Variants in UPRT observed in about 807,000 individuals in gnomAD.
UPRT encodes uracil phosphoribosyltransferase homolog.
UPRT carries 5 observed loss-of-function variants against 22.6 expected under a neutral mutation model. The observed-to-expected ratio is 0.22, with a 90% confidence interval of 0.12 to 0.47. The LOEUF (loss-of-function observed/expected upper bound fraction) is 0.47. Ranked by LOEUF, UPRT falls within the 20% of genes least tolerant of loss-of-function variation. The pLI is 0.99. For synonymous variants in UPRT, 77 were observed against 87.7 expected (o/e 0.88, Z 0.68); for missense variants, 181 against 239.9 (o/e 0.75, Z 1.62).
At position 75,274,340 on chromosome X, in the gene UPRT, T is replaced by G. The variant is rs774066836; in HGVS notation, c.86T>G (p.Leu29Arg). 1 of 1,211,787 alleles carries G rather than the reference T, an allele frequency of 8.3e-7. No individual in the cohort carries two copies. The highest frequency in any genetic ancestry group is 1.8e-5 in the South Asian group (1 of 56,918). ...NSASTPSPEQ[L>R]RPGDLILDHA... is the part of the protein sequence containing the mutation. ...GCCTCAACCCCAAGTCCCGAGCAGC[T>G]GCGACCTGGCGATCTGATCCTGGAC... Residue 29 changes from leucine (L) to arginine (R), a missense_variant, in exon 1 of 7, where the codon CTG (leucine) becomes CGG (arginine). Leu to Arg is a moderately radical substitution (Grantham distance 102). Around this residue, in one of 2 missense-constraint regions of UPRT, gnomAD observed 111 missense variants for 102.8 expected, o/e 1.08. Transcript: ENST00000373383.
At chrX:75,219,974 C>T (rs1353329897) in intron 4 of UPRT, among the ~76,000 whole-genome samples, 1 of 111,366 alleles carries the variant, frequency 9.0e-6, no homozygotes, top group East Asian at 2.8e-4. Flanking sequence ...TGTTGATTTT[C>T]AGCCTGGATG....
At chrX:75,224,812 C>T (rs903360717) in intron 4 of UPRT, among the ~76,000 whole-genome samples, 2 of 111,767 alleles carry the variant, frequency 1.8e-5, no homozygotes, top group East Asian at 5.6e-4. Context: ...TGAATATCCT[C>T]TTGATTCCCT....
At chrX:75,176,621 T>C (rs1446801831) in intron 4 of UPRT, among the ~76,000 whole-genome samples, 1 of 110,903 alleles carries the variant, frequency 9.0e-6, no homozygotes, top group African/African-American at 3.3e-5. Context: ...TTGTGGACCT[T>C]TGGAGATTTC....
chrX:75,248,135 G>T (rs1380563181), intron 4 of UPRT, among the ~76,000 whole-genome samples: 1 of 111,580 alleles, frequency 9.0e-6, no homozygotes, highest in Non-Finnish European at 1.9e-5. Context: ...AGAAAAACTG[G>T]AAACTCTAAA....
intron 4 of UPRT, among the ~76,000 whole-genome samples, chrX:75,244,033 T>G (rs1263189878): frequency 9.0e-6 from 1 of 111,620 alleles, no homozygotes; most frequent in Non-Finnish European, 1.9e-5. Context: ...ATTACAATTC[T>G]AGGTTGCAAT....
At chrX:75,188,672 G>A (rs1476909867) in intron 4 of UPRT, among the ~76,000 whole-genome samples, 3 of 112,584 alleles carry the variant, frequency 2.7e-5, no homozygotes, top group South Asian at 7.4e-4. Flanking sequence ...AGCAATCAGC[G>A]AGACTTCGTG....
At chrX:75,256,996 G>A (rs922629534) in intron 4 of UPRT, among the ~76,000 whole-genome samples, 15 of 111,565 alleles carry the variant, frequency 1.3e-4, no homozygotes, top group Admixed American at 1.2e-3. Flanking sequence ...AGAGAAAGAG[G>A]GAACCCTCCC....
chrX:75,156,446 G>A lies in UPRT; in HGVS notation c.-841G>A, dbSNP rs72559421. On this transcript the variant is annotated 5_prime_UTR_variant, in exon 1 of 14. Coordinates refer to the UPRT transcript ENST00000652605. ...AGCCTCTTTTATTTGTTTTTCCTTAGGGCCGAGCTTTGATTGTTTTCCTTA... is the reference window on the plus strand; with the variant it reads ...AGCCTCTTTTATTTGTTTTTCCTTAAGGCCGAGCTTTGATTGTTTTCCTTA... The A allele has an allele frequency of 2.4e-5, 13 of 539,079 alleles. No homozygotes were observed. The African/African-American group carries it at 3.0e-4, about 13-fold the overall frequency. 44.4% of individuals were successfully genotyped at this position (539,079 alleles called of 1,213,427 possible).
At chrX:75,242,592 C>T (rs181167871) in intron 4 of UPRT, among the ~76,000 whole-genome samples, 123 of 87,760 alleles carry the variant, frequency 1.4e-3, no homozygotes, top group African/African-American at 4.6e-3. Flanking sequence ...CCTGCACTTA[C>T]TGCTTGTATG....
intron 1 of UPRT, among the ~76,000 whole-genome samples, chrX:75,287,102 A>G (rs2082685263): frequency 9.0e-6 from 1 of 111,105 alleles, no homozygotes; most frequent in Non-Finnish European, 1.9e-5. Context: ...TTTAGGATAT[A>G]TATATGTCAC....
intron 4 of UPRT, among the ~76,000 whole-genome samples, chrX:75,188,416 C>T (rs1025700834): frequency 8.9e-6 from 1 of 112,101 alleles, no homozygotes; most frequent in African/African-American, 3.2e-5. Flanking sequence ...AGAACCACTG[C>T]TCTCTTCAAA....
chrX:75,226,651 G>C (rs1173564048), intron 4 of UPRT, among the ~76,000 whole-genome samples: 1 of 110,702 alleles, frequency 9.0e-6, no homozygotes, highest in Non-Finnish European at 1.9e-5. Context: ...TGTTCTTATG[G>C]CATCTTTTCA....
chrX:75,193,292 C>T (rs1602448302), intron 4 of UPRT, among the ~76,000 whole-genome samples: 1 of 112,369 alleles, frequency 8.9e-6, no homozygotes, highest in African/African-American at 3.2e-5. Flanking sequence ...ATATAGACCA[C>T]CAATCTCTTC....
intron 4 of UPRT, among the ~76,000 whole-genome samples, chrX:75,189,105 T>C (rs1181255982): frequency 8.9e-6 from 1 of 112,681 alleles, no homozygotes; most frequent in Non-Finnish European, 1.9e-5. Context: ...TCCTGCTTTC[T>C]CTTGTGGGCA....
At chrX:75,200,202 G>A (rs1185710463) in intron 4 of UPRT, among the ~76,000 whole-genome samples, 1 of 111,875 alleles carries the variant, frequency 8.9e-6, no homozygotes, top group Non-Finnish European at 1.9e-5. Flanking sequence ...ATTGTCCTAG[G>A]CCCGATAATC....
At chrX:75,157,299 TAAAGAA>T (rs900676232) in intron 1 of UPRT, among the ~76,000 whole-genome samples, 2 of 112,286 alleles carry the variant, frequency 1.8e-5, no homozygotes, top group African/African-American at 6.5e-5. Context: ...GTAAGTCTGA[TAAAGAA>T]AAACAGAAAT....
intron 4 of UPRT, among the ~76,000 whole-genome samples, chrX:75,198,349 G>T (rs1325227588): frequency 8.9e-6 from 1 of 112,283 alleles, no homozygotes; most frequent in Admixed American, 9.4e-5. Context: ...AGCTCGATAG[G>T]GGTATAAGTT....
rs1022224524 is a variant in UPRT, at chrX:75,304,708, G to T, written c.*1197G>T. 7.1e-5 allele frequency: 8 copies of T among 111,959 alleles called. No individual in the cohort carries two copies. Among genetic ancestry groups the T allele is most frequent in the African/African-American group, 1.9e-4 (6 of 30,809 alleles). 9.2% of individuals were successfully genotyped at this position (111,959 alleles called of 1,213,427 possible). On this transcript the variant is annotated 3_prime_UTR_variant, in exon 7 of 7. Coordinates refer to ENST00000373383, the MANE Select transcript of UPRT (RefSeq NM_145052.4). ...AGAGCAGAAGGAAATGTCTTAGAAA[G>T]AATCAAAGCTGATGAAATCAGCAAA...
At chrX:75,271,364 C>T (rs931838176), upstream of UPRT, among the ~76,000 whole-genome samples, 3 of 111,355 alleles carry the variant, frequency 2.7e-5, no homozygotes, top group Non-Finnish European at 3.8e-5. Flanking sequence ...AACTGATCTT[C>T]GACAAAGCAA....
Sources: allele counts gnomAD v4.1 joint callset (sites outside exome capture counted in the v4.1 genomes callset), GRCh38; gene constraint gnomAD v4.1.1; regional missense constraint gnomAD v4.1.1; transcripts MANE v1.5; gene names NCBI Gene and HGNC (gene_info 2026-07-23, HGNC 2026-07-21).